FRS2: variants seen among roughly 807,000 people sequenced by gnomAD.
FRS2 encodes FGFR signalling adaptor.
FRS2 carries 8 observed loss-of-function variants against 43.9 expected under a neutral mutation model. The observed-to-expected ratio is 0.18, with a 90% CI of 0.11 to 0.33. FRS2 has a LOEUF of 0.33. FRS2 is among the 10% of genes least tolerant of loss of function. The probability of loss-of-function intolerance (pLI) is 1.00; values close to 1 mark genes in which losing one functional copy is unlikely to be tolerated. For synonymous variants in FRS2, 219 were observed against 220.3 expected (o/e 0.99, Z 0.05); for missense variants, 534 against 627.6 (o/e 0.85, Z 1.59).
At chr12:69,512,039 A>G (rs924813662) in intron 1 of FRS2, among the ~76,000 whole-genome samples, 1 of 152,200 alleles carries the variant, frequency 6.6e-6, no homozygotes, top group Admixed American at 6.5e-5. Context: ...CAGACTCCAC[A>G]GAGCTGTCAC....
intron 3 of FRS2, among the ~76,000 whole-genome samples, chr12:69,555,026 TA>T (rs1180166353): frequency 6.6e-6 from 1 of 151,454 alleles, no homozygotes; most frequent in East Asian, 1.9e-4. Flanking sequence ...TTTTTTTTAA[TA>T]ATATTTTTTT....
chr12:69,565,215 T>A (rs919493502), intron 4 of FRS2, among the ~76,000 whole-genome samples: 3 of 152,178 alleles, frequency 2.0e-5, no homozygotes. Context: ...ATAGAAAAGG[T>A]ACAGTAAGAA....
At chr12:69,486,687 C>A (rs1871984678) in intron 1 of FRS2, among the ~76,000 whole-genome samples, 1 of 152,156 alleles carries the variant, frequency 6.6e-6, no homozygotes, top group South Asian at 2.1e-4. Flanking sequence ...AGGAAAAGTT[C>A]TTGAAGGAAA....
chr12:69,556,319 A>C (rs1879348370), intron 3 of FRS2, among the ~76,000 whole-genome samples: 1 of 149,778 alleles, frequency 6.7e-6, no homozygotes, highest in Non-Finnish European at 1.5e-5. Context: ...ATATCTTTTA[A>C]TTTACTTTTC....
chr12:69,479,979 T>G (rs1201497482), intron 1 of FRS2, among the ~76,000 whole-genome samples: 18 of 152,220 alleles, frequency 1.2e-4, no homozygotes. Context: ...ATATTGTCCA[T>G]TTCATTATCT....
intron 4 of FRS2, among the ~76,000 whole-genome samples, chr12:69,564,302 G>A (rs1423428055): frequency 2.0e-5 from 3 of 148,710 alleles, no homozygotes; most frequent in African/African-American, 7.5e-5. Flanking sequence ...AAACACATTT[G>A]TATTTCCCCA....
intron 3 of FRS2, among the ~76,000 whole-genome samples, chr12:69,534,348 A>T (rs1593005340): frequency 1.3e-5 from 2 of 152,182 alleles, no homozygotes; most frequent in African/African-American, 2.4e-5. Flanking sequence ...TTTTTCAGCT[A>T]CGTGCTTTTA....
At chr12:69,475,693 T>G (rs1870698700) in intron 1 of FRS2, among the ~76,000 whole-genome samples, 1 of 152,166 alleles carries the variant, frequency 6.6e-6, no homozygotes, top group Admixed American at 6.5e-5. Context: ...AGCTTACATT[T>G]CCTCATTATT....
intron 1 of FRS2, among the ~76,000 whole-genome samples, chr12:69,527,736 A>G (rs1032424969): frequency 2.6e-5 from 4 of 152,324 alleles, no homozygotes; most frequent in Non-Finnish European, 4.4e-5. Flanking sequence ...TTGCTCAATA[A>G]AAGTTTTTAA....
chr12:69,516,782 T>C (rs1042085861), intron 1 of FRS2, among the ~76,000 whole-genome samples: 2 of 152,250 alleles, frequency 1.3e-5, no homozygotes, highest in Non-Finnish European at 2.9e-5. Flanking sequence ...GTACTAGCTG[T>C]ATAAAATGGA....
Position 69,537,473 on chromosome 12 carries a change from G to A in FRS2, c.-122+5417G>A, listed in dbSNP as rs146078156. Among the ~76,000 whole-genome samples, 263 of 152,134 alleles carry A rather than the reference G, an allele frequency of 1.7e-3. 1 individual carries two copies. Among genetic ancestry groups the A allele is most frequent in the African/African-American group, 6.0e-3 (249 of 41,506 alleles). On this transcript the variant is annotated intron_variant, in intron 3 of 8. Coordinates refer to ENST00000549921, the MANE Select transcript of FRS2 (RefSeq NM_001278356.2). ...TTGAAAGGTAGTTTCTCTGTGTGTA[G>A]AATTCTGTTTTCTCATGATATTGAA...
intron 1 of FRS2, among the ~76,000 whole-genome samples, chr12:69,522,488 C>T (rs759513380): frequency 3.3e-5 from 5 of 151,912 alleles, no homozygotes; most frequent in African/African-American, 4.8e-5. Flanking sequence ...TGTATCTTCT[C>T]ACTTCTTTTA....
intron 3 of FRS2, among the ~76,000 whole-genome samples, chr12:69,550,570 C>T (rs184752797): frequency 6.6e-6 from 1 of 152,324 alleles, no homozygotes; most frequent in East Asian, 1.9e-4. Flanking sequence ...TAATACCAGC[C>T]TGGGCGGTGG....
intron 1 of FRS2, among the ~76,000 whole-genome samples, chr12:69,496,385 C>T (rs1446774777): frequency 6.6e-6 from 1 of 151,734 alleles, no homozygotes; most frequent in African/African-American, 2.4e-5. Context: ...TGCAGTGAGC[C>T]GAGATCGCGC....
Position 69,538,223 on chromosome 12 carries a change from A to ATATATG in FRS2, c.-122+6167_-122+6168insTATATG, listed in dbSNP as rs1194377826. 1.2e-3 allele frequency among the ~76,000 whole-genome samples: 118 copies of ATATATG among 100,170 alleles called. 1 individual carries two copies. The highest frequency in any genetic ancestry group is 4.8e-3 in the African/African-American group (110 of 22,682). 65.7% of individuals were successfully genotyped at this position (100,170 alleles called of 152,430 possible). ...TATATATATATATATATATATATAT[A>ATATATG]GCATTGCAGATTATATATATATATA... On this transcript the variant is annotated intron_variant, in intron 3 of 8. Transcript: ENST00000549921.
In FRS2 at chr12:69,536,101, C is replaced by CCTTTTTTTTTTTTTTTTTTTTTTTT. The variant is rs1877251782; in HGVS notation, c.-122+4045_-122+4046insCTTTTTTTTTTTTTTTTTTTTTTTT. Among the ~76,000 whole-genome samples the CCTTTTTTTTTTTTTTTTTTTTTTTT allele has an allele frequency of 1.6e-4, 6 of 37,176 alleles. 1 individual carries two copies. The highest frequency in any genetic ancestry group is 5.4e-4 in the African/African-American group (6 of 11,132). 24.4% of individuals were successfully genotyped at this position (37,176 alleles called of 152,430 possible). ...TTTTGGTTACTGTAGTATTTTCATT[C>CCTTTTTTTTTTTTTTTTTTTTTTTT]TTTTTTTTTTTTTTTTTTTTTTTTT... On this transcript the variant is annotated intron_variant, in intron 3 of 8. Coordinates refer to ENST00000549921, the MANE Select transcript of FRS2 (RefSeq NM_001278356.2).
intron 1 of FRS2, among the ~76,000 whole-genome samples, chr12:69,488,799 CAA>C (rs995385984): frequency 3.4e-4 from 51 of 152,236 alleles, no homozygotes; most frequent in African/African-American, 1.2e-3. Context: ...ATATAATTAA[CAA>C]TAACAAGTGC....
chr12:69,479,799 T>C (rs2120715039), intron 1 of FRS2, among the ~76,000 whole-genome samples: 1 of 152,334 alleles, frequency 6.6e-6, no homozygotes, highest in African/African-American at 2.4e-5. Context: ...TTATTTATCG[T>C]GCTTGGTATT....
At position 69,546,777 on chromosome 12, in the gene FRS2, G is replaced by A. The variant is rs115069529; in HGVS notation, c.-122+14721G>A. Among the ~76,000 whole-genome samples the A allele has an allele frequency of 2.6e-3, 393 of 152,252 alleles. 1 individual carries two copies. The highest frequency in any genetic ancestry group is 9.1e-3 in the African/African-American group (377 of 41,542). On this transcript the variant is annotated intron_variant, in intron 3 of 8. Coordinates refer to ENST00000549921, the MANE Select transcript of FRS2 (RefSeq NM_001278356.2). ...ATTGGAAACCTTATGCACTGTCGGT[G>A]AGAATATAAAATGGTACAGTTTCTG...
Sources: allele counts gnomAD v4.1 joint callset (sites outside exome capture counted in the v4.1 genomes callset), GRCh38; gene constraint gnomAD v4.1.1; transcripts MANE v1.5; gene names NCBI Gene and HGNC (gene_info 2026-07-23, HGNC 2026-07-21).